Variants in MOXD1 observed in about 807,000 individuals in gnomAD.
The protein encoded by MOXD1 is DBH-like monooxygenase protein 1.
A neutral mutation model predicts 66.6 loss-of-function variants in MOXD1; 62 were observed. The ratio of observed to expected loss-of-function variants is 0.93; its 90% CI spans 0.76 to 1.15. MOXD1 has a LOEUF of 1.15. Among genes scored for constraint, MOXD1 ranks in the 50% most tolerant of loss-of-function variants. The probability of loss-of-function intolerance (pLI) is 0.00; values close to 1 mark genes in which losing one functional copy is unlikely to be tolerated. For synonymous variants in MOXD1, 303 were observed against 281.9 expected, an observed-to-expected ratio of 1.07 and a Z score of -0.75; for missense variants, 847 against 754.6, an observed-to-expected ratio of 1.12 and a Z score of -1.44.
intron 10 of MOXD1, among the ~76,000 whole-genome samples, chr6:132,298,890 C>A (rs1414481055): frequency 6.6e-6 from 1 of 152,126 alleles, no homozygotes; most frequent in Non-Finnish European, 1.5e-5. Context: ...TAAAACAGAA[C>A]TACCATTCAA....
chr6:132,337,204 A>G (rs1449135596), intron 4 of MOXD1, among the ~76,000 whole-genome samples: 2 of 152,182 alleles, frequency 1.3e-5, no homozygotes, highest in Non-Finnish European at 2.9e-5. Context: ...CTTTTTCTGA[A>G]ACTAGTTCAG....
chr6:132,296,997 T>C lies in MOXD1; in HGVS notation c.*156A>G. Reference sequence around the variant, plus strand: ...GAAAGAGAAGAGAACCTGATTGATGTCTCTCATGTAACATGGAAAGGAAAA... The same window carrying C: ...GAAAGAGAAGAGAACCTGATTGATGCCTCTCATGTAACATGGAAAGGAAAA... On this transcript the variant is annotated 3_prime_UTR_variant, in exon 12 of 12. Coordinates refer to ENST00000367963, the MANE Select transcript of MOXD1 (RefSeq NM_015529.4). 1 of 605,200 alleles carries C rather than the reference T, an allele frequency of 1.7e-6. No individual in the cohort carries two copies. Among genetic ancestry groups the C allele is most frequent in the Non-Finnish European group, 2.8e-6 (1 of 357,226 alleles). 37.5% of individuals were successfully genotyped at this position (605,200 alleles called of 1,614,324 possible). A position where few individuals can be genotyped will look rare whatever the true frequency, so the allele number is the denominator to read the frequency against.
At chr6:132,345,674 T>G (rs1342309033) in intron 4 of MOXD1, among the ~76,000 whole-genome samples, 1 of 152,232 alleles carries the variant, frequency 6.6e-6, no homozygotes, top group Non-Finnish European at 1.5e-5. Flanking sequence ...TCTCCTCTTA[T>G]TTTTTAATGT....
intron 4 of MOXD1, among the ~76,000 whole-genome samples, chr6:132,364,954 A>G (rs1776090246): frequency 6.6e-6 from 1 of 152,172 alleles, no homozygotes; most frequent in Non-Finnish European, 1.5e-5. Flanking sequence ...CAACCACTAG[A>G]TAATACGGAT....
At chr6:132,380,778 A>G (rs925985064) in intron 1 of MOXD1, among the ~76,000 whole-genome samples, 10 of 152,354 alleles carry the variant, frequency 6.6e-5, no homozygotes, top group Admixed American at 2.6e-4. Flanking sequence ...GCTCTTAATT[A>G]TATTTACACA....
intron 4 of MOXD1, among the ~76,000 whole-genome samples, chr6:132,345,512 T>A (rs1297558033): frequency 1.3e-5 from 2 of 152,220 alleles, no homozygotes; most frequent in Non-Finnish European, 2.9e-5. Flanking sequence ...TTAGTTCTCA[T>A]AATCTCCATC....
At chr6:132,335,030 T>G (rs550350710) in intron 4 of MOXD1, among the ~76,000 whole-genome samples, 1 of 152,272 alleles carries the variant, frequency 6.6e-6, no homozygotes, top group South Asian at 2.1e-4. Context: ...AGAAAATGTT[T>G]CAGAATTTGA....
intron 4 of MOXD1, among the ~76,000 whole-genome samples, chr6:132,337,992 T>C (rs1362459861): frequency 6.6e-6 from 1 of 152,198 alleles, no homozygotes; most frequent in Non-Finnish European, 1.5e-5. Flanking sequence ...CTGTGGGACA[T>C]GCCATAAGTA....
At position 132,401,105 on chromosome 6, in the gene MOXD1, C is replaced by T. The variant is rs950856134; in HGVS notation, c.264+58G>A. The T allele has an allele frequency of 2.3e-5, 32 of 1,419,018 alleles. No individual in the cohort carries two copies. The East Asian group carries it at 7.0e-4, about 31-fold the overall frequency. The allele number at this position is 1,419,018 out of a possible 1,614,324, so 87.9% of individuals were successfully genotyped here. On this transcript the variant is annotated intron_variant, in intron 1 of 11. Transcript: ENST00000367963. ...GGGACGACCCGCACCTGCGCCCTCT[C>T]TGGGGTCCGGACGGGACCGGGCTCG...
intron 10 of MOXD1, among the ~76,000 whole-genome samples, chr6:132,308,592 C>T (rs1050143945): frequency 6.6e-6 from 1 of 152,206 alleles, no homozygotes; most frequent in African/African-American, 2.4e-5. Flanking sequence ...GGCCAATATT[C>T]CTTATGAACA....
chr6:132,306,612 G>A (rs893258642), intron 10 of MOXD1, among the ~76,000 whole-genome samples: 2 of 152,162 alleles, frequency 1.3e-5, no homozygotes, highest in African/African-American at 4.8e-5. Flanking sequence ...CAGCCAGAGA[G>A]AAAGGCCAGG....
intron 1 of MOXD1, among the ~76,000 whole-genome samples, chr6:132,398,691 G>A (rs1359497668): frequency 1.3e-5 from 2 of 152,232 alleles, no homozygotes; most frequent in African/African-American, 2.4e-5. Context: ...TGTAATCCCA[G>A]CACTTTAGGA....
At chr6:132,384,957 C>T (rs1208545958) in intron 1 of MOXD1, among the ~76,000 whole-genome samples, 1 of 152,204 alleles carries the variant, frequency 6.6e-6, no homozygotes, top group East Asian at 1.9e-4. Context: ...AGTTGGAAGA[C>T]ACTCAGGAGC....
rs374409741 is a variant in MOXD1 at position 132,327,929 on chromosome 6, T to C, written c.946+84A>G. ...TAATTCCTTCTAACACTGGCTGCTA[T>C]TTTGTTTCAACTCTGTTAAAGACTT... On this transcript the variant is annotated intron_variant, in intron 6 of 11. Transcript: ENST00000367963. 10 of 1,054,354 alleles carry C rather than the reference T, an allele frequency of 9.5e-6. No homozygotes were observed. In the African/African-American group the frequency reaches 1.6e-4, roughly 17 times the overall value. 65.3% of individuals were successfully genotyped at this position (1,054,354 alleles called of 1,614,324 possible). A position where few individuals can be genotyped will look rare whatever the true frequency, so the allele number is the denominator to read the frequency against.
chr6:132,384,556 G>A (rs1415071066), intron 1 of MOXD1, among the ~76,000 whole-genome samples: 1 of 152,180 alleles, frequency 6.6e-6, no homozygotes, highest in Non-Finnish European at 1.5e-5. Context: ...ATAACAGGGG[G>A]ATCAGAAGGC....
At chr6:132,386,577 T>C (rs1442060064) in intron 1 of MOXD1, among the ~76,000 whole-genome samples, 3 of 151,486 alleles carry the variant, frequency 2.0e-5, no homozygotes, top group Non-Finnish European at 4.4e-5. Flanking sequence ...AGTTTTATAG[T>C]TGCTAATGTC....
At chr6:132,343,795 T>C (rs1170403994) in intron 4 of MOXD1, among the ~76,000 whole-genome samples, 1 of 152,130 alleles carries the variant, frequency 6.6e-6, no homozygotes, top group African/African-American at 2.4e-5. Flanking sequence ...TAATTTAATA[T>C]TGTTATTTAA....
At chr6:132,367,133 T>G (rs1306591014) in intron 4 of MOXD1, among the ~76,000 whole-genome samples, 1 of 152,002 alleles carries the variant, frequency 6.6e-6, no homozygotes, top group African/African-American at 2.4e-5. Context: ...ACTTCACATT[T>G]CTCCAAAGCT....
chr6:132,303,704 T>TACACACACACACACACAC lies in MOXD1; in HGVS notation c.1509-5750_1509-5749insGTGTGTGTGTGTGTGTGT, dbSNP rs772482923. Among the ~76,000 whole-genome samples the TACACACACACACACACAC allele has an allele frequency of 4.8e-3, 646 of 134,750 alleles. 13 individuals carry two copies. The highest frequency in any genetic ancestry group is 0.014 in the East Asian group (64 of 4,418). 88.4% of individuals were successfully genotyped at this position (134,750 alleles called of 152,430 possible). On this transcript the variant is annotated intron_variant, in intron 10 of 11. Coordinates refer to ENST00000367963, the MANE Select transcript of MOXD1 (RefSeq NM_015529.4). ...CTGGGAAAGCAGAGGGCTGACTGTA[T>TACACACACACACACACAC]ACATACACACACACACACACACACA...
Sources: allele counts gnomAD v4.1 joint callset (sites outside exome capture counted in the v4.1 genomes callset), GRCh38; gene constraint gnomAD v4.1.1; transcripts MANE v1.5; gene names NCBI Gene and HGNC (gene_info 2026-07-23, HGNC 2026-07-21).